The following ZNF804A variants were observed in gnomAD, a reference collection of about 807,000 sequenced individuals.
ZNF804A encodes zinc finger protein 804A.
Under a neutral mutation model 16.5 loss-of-function variants are expected in ZNF804A, and 2 were observed. That is an observed-to-expected ratio of 0.12 (90% confidence interval 0.05 to 0.38). ZNF804A has a LOEUF of 0.38. Ranked by LOEUF, ZNF804A falls within the 10% of genes least tolerant of loss-of-function variation. ZNF804A has a pLI of 0.99. For synonymous variants in ZNF804A, 534 were observed against 489.6 expected, an observed-to-expected ratio of 1.09 and a Z score of -1.20; for missense variants, 1,473 against 1,390.7, an observed-to-expected ratio of 1.06 and a Z score of -0.94.
intron 1 of ZNF804A, among the ~76,000 whole-genome samples, chr2:184,733,006 T>C (rs898377058): frequency 3.3e-5 from 5 of 152,258 alleles, no homozygotes; most frequent in Admixed American, 2.0e-4. Flanking sequence ...TCCTTCCAAA[T>C]CAGTGTATCT....
intron 1 of ZNF804A, among the ~76,000 whole-genome samples, chr2:184,751,933 T>C (rs1196260564): frequency 1.3e-5 from 2 of 151,456 alleles, no homozygotes; most frequent in Non-Finnish European, 1.5e-5. Context: ...CAATGAGATA[T>C]CATGTTACAT....
chr2:184,607,264 A>C (rs1691164592), intron 1 of ZNF804A, among the ~76,000 whole-genome samples: 1 of 152,196 alleles, frequency 6.6e-6, no homozygotes, highest in Non-Finnish European at 1.5e-5. Flanking sequence ...ATTAGATAAA[A>C]TATTGTATTA....
chr2:184,842,621 ATCTG>A (rs1695455040), intron 1 of ZNF804A, among the ~76,000 whole-genome samples: 1 of 151,812 alleles, frequency 6.6e-6, no homozygotes, highest in South Asian at 2.1e-4. Flanking sequence ...TGACTTTTTG[ATCTG>A]TCTTATTCTA....
intron 1 of ZNF804A, among the ~76,000 whole-genome samples, chr2:184,773,593 G>C (rs1694248415): frequency 6.6e-6 from 1 of 152,010 alleles, no homozygotes; most frequent in East Asian, 2.0e-4. Context: ...ATAAATGGGA[G>C]CTAAGCTATG....
chr2:184,761,651 C>T (rs1241213579), intron 1 of ZNF804A, among the ~76,000 whole-genome samples: 4 of 152,068 alleles, frequency 2.6e-5, no homozygotes, highest in African/African-American at 7.2e-5. Context: ...AAATAAAAAA[C>T]ATAACTGAAC....
intron 1 of ZNF804A, among the ~76,000 whole-genome samples, chr2:184,621,374 T>C (rs1428270202): frequency 6.6e-6 from 1 of 151,748 alleles, no homozygotes; most frequent in Non-Finnish European, 1.5e-5. Context: ...TGTATGTGCA[T>C]GTATTTGTAT....
At chr2:184,858,311 C>A (rs1301666075) in intron 1 of ZNF804A, among the ~76,000 whole-genome samples, 1 of 151,872 alleles carries the variant, frequency 6.6e-6, no homozygotes, top group Non-Finnish European at 1.5e-5. Context: ...CAAGACCAAC[C>A]TGGACAACAT....
At chr2:184,750,888 G>T (rs1370304719) in intron 1 of ZNF804A, among the ~76,000 whole-genome samples, 1 of 151,228 alleles carries the variant, frequency 6.6e-6, no homozygotes, top group Non-Finnish European at 1.5e-5. Context: ...GCTTCTATGA[G>T]TTTGACTACC....
chr2:184,750,304 G>A (rs918274214), intron 1 of ZNF804A, among the ~76,000 whole-genome samples: 2 of 151,238 alleles, frequency 1.3e-5, no homozygotes. Flanking sequence ...ATTGAATAAG[G>A]AATACAAATT....
At chr2:184,708,231 T>C (rs1693062725) in intron 1 of ZNF804A, among the ~76,000 whole-genome samples, 2 of 152,176 alleles carry the variant, frequency 1.3e-5, no homozygotes, top group African/African-American at 2.4e-5. Flanking sequence ...CTGTTTACTT[T>C]CCTGATAGTT....
Position 184,937,148 on chromosome 2 carries a change from G to C in ZNF804A, c.1752G>C (p.Glu584Asp). 1.9e-6 allele frequency: 3 copies of C among 1,604,392 alleles called. No individual in the cohort carries two copies. Among genetic ancestry groups the C allele is most frequent in the Non-Finnish European group, 2.5e-6 (3 of 1,177,720 alleles). Residue 584 changes from glutamate to aspartate, a missense_variant, in exon 4 of 4, where the codon GAG becomes GAC. By Grantham distance (45) the Glu-to-Asp change is conservative. Transcript: ENST00000302277. ...DEKYNKIRLK[E>D]THEYWFHKSR... ...AATACAACAAAATAAGGTTGAAAGA[G>C]ACCCATGAATACTGGTTCCATAAAA...
At chr2:184,649,817 A>G (rs1284100579) in intron 1 of ZNF804A, among the ~76,000 whole-genome samples, 1 of 145,578 alleles carries the variant, frequency 6.9e-6, no homozygotes, top group Non-Finnish European at 1.5e-5. Flanking sequence ...TATTTAAAAA[A>G]CCTACAAATC....
At chr2:184,768,650 A>G (rs1694165945) in intron 1 of ZNF804A, among the ~76,000 whole-genome samples, 1 of 152,008 alleles carries the variant, frequency 6.6e-6, no homozygotes, top group Admixed American at 6.6e-5. Context: ...TGGTCTAGGG[A>G]CCACATTTTT....
intron 1 of ZNF804A, among the ~76,000 whole-genome samples, chr2:184,789,473 T>C (rs2105777879): frequency 6.6e-6 from 1 of 152,246 alleles, no homozygotes; most frequent in Admixed American, 6.5e-5. Context: ...TAGGCTTTGT[T>C]GTTGTTGTTG....
intron 1 of ZNF804A, among the ~76,000 whole-genome samples, chr2:184,760,258 C>T (rs1271152841): frequency 1.3e-5 from 2 of 152,164 alleles, no homozygotes; most frequent in East Asian, 3.9e-4. Flanking sequence ...ATAAACATGA[C>T]TGTTTATTTG....
chr2:184,772,948 CATATATACATATACATAT>C (rs1694238401), intron 1 of ZNF804A, among the ~76,000 whole-genome samples: 2 of 145,094 alleles, frequency 1.4e-5, no homozygotes, highest in African/African-American at 5.1e-5. Flanking sequence ...TATACATATA[CATATATACATATACATAT>C]ATATGTATAT....
At chr2:184,645,596 T>G (rs570715027) in intron 1 of ZNF804A, among the ~76,000 whole-genome samples, 1 of 152,328 alleles carries the variant, frequency 6.6e-6, no homozygotes, top group East Asian at 1.9e-4. Context: ...CTGATAACAT[T>G]ATTGGAATAT....
chr2:184,610,806 C>T (rs939126565), intron 1 of ZNF804A, among the ~76,000 whole-genome samples: 5 of 152,124 alleles, frequency 3.3e-5, no homozygotes, highest in Non-Finnish European at 5.9e-5. Flanking sequence ...CTACTACAGC[C>T]AGTCACTTGT....
chr2:184,673,802 T>G (rs1264840456), intron 1 of ZNF804A, among the ~76,000 whole-genome samples: 2 of 152,164 alleles, frequency 1.3e-5, no homozygotes, highest in African/African-American at 4.8e-5. Flanking sequence ...TAAATGACTT[T>G]ATTAGGTAAA....
Sources: gnomAD v4.1 joint callset for allele counts (sites outside exome capture counted in the v4.1 genomes callset) on GRCh38, gnomAD v4.1.1 for gene constraint, MANE v1.5 for transcripts, NCBI Gene and HGNC (gene_info 2026-07-23, HGNC 2026-07-21) for gene names.